DGKB: variants seen among roughly 807,000 people sequenced by gnomAD.
The protein encoded by DGKB is diacylglycerol kinase beta.
In DGKB, 67 loss-of-function variants were observed where a neutral mutation model predicts 114.3. The ratio of observed to expected loss-of-function variants is 0.59; its 90% CI spans 0.48 to 0.72. The LOEUF (loss-of-function observed/expected upper bound fraction) is 0.72. Ranked by LOEUF, DGKB falls within the 30% of genes least tolerant of loss-of-function variation. DGKB has a pLI of 0.00. For synonymous variants in DGKB, 398 were observed against 323.1 expected, an observed-to-expected ratio of 1.23 and a Z score of -2.49; for missense variants, 907 against 975.2, an observed-to-expected ratio of 0.93 and a Z score of 0.93.
At chr7:14,692,172 T>A (rs1051282545) in intron 9 of DGKB, among the ~76,000 whole-genome samples, 2 of 151,698 alleles carry the variant, frequency 1.3e-5, no homozygotes, top group Admixed American at 1.3e-4. Flanking sequence ...TCAGCAGTAG[T>A]TTCCAAAAAA....
chr7:14,358,193 A>C (rs1814965665), intron 21 of DGKB, among the ~76,000 whole-genome samples: 1 of 152,020 alleles, frequency 6.6e-6, no homozygotes, highest in Non-Finnish European at 1.5e-5. Flanking sequence ...ATGTTTTCCA[A>C]CTTGGTTTCA....
chr7:14,286,950 A>G (rs1800964980), intron 23 of DGKB, among the ~76,000 whole-genome samples: 1 of 152,156 alleles, frequency 6.6e-6, no homozygotes, highest in Non-Finnish European at 1.5e-5. Context: ...CCTATTGGTC[A>G]CATCTTCCTA....
intron 1 of DGKB, among the ~76,000 whole-genome samples, chr7:14,961,404 G>T (rs1245278668): frequency 6.6e-6 from 1 of 151,968 alleles, no homozygotes; most frequent in Non-Finnish European, 1.5e-5. Context: ...TTATTAAAGG[G>T]TTCTGTCTCA....
intron 23 of DGKB, among the ~76,000 whole-genome samples, chr7:14,256,944 T>C (rs528495015): frequency 1.3e-5 from 2 of 152,176 alleles, no homozygotes; most frequent in South Asian, 4.1e-4. Context: ...GGTGGGAGAA[T>C]TGCTGGAGCC....
intron 2 of DGKB, among the ~76,000 whole-genome samples, chr7:14,774,580 T>C (rs1837881844): frequency 6.6e-6 from 1 of 152,186 alleles, no homozygotes; most frequent in South Asian, 2.1e-4. Context: ...GCTTTGAAAA[T>C]GTTATTTAAA....
chr7:14,490,452 C>T (rs1054005828), intron 20 of DGKB, among the ~76,000 whole-genome samples: 1 of 152,042 alleles, frequency 6.6e-6, no homozygotes, highest in Non-Finnish European at 1.5e-5. Flanking sequence ...AGCCACGTGC[C>T]CAGCTAATAA....
intron 2 of DGKB, among the ~76,000 whole-genome samples, chr7:14,790,224 G>A (rs543384477): frequency 1.3e-5 from 2 of 152,112 alleles, no homozygotes; most frequent in Non-Finnish European, 2.9e-5. Context: ...TTCCAAGTAT[G>A]TTCTCCCACT....
At chr7:14,602,522 C>G (rs956150889) in intron 17 of DGKB, among the ~76,000 whole-genome samples, 1 of 152,114 alleles carries the variant, frequency 6.6e-6, no homozygotes, top group Non-Finnish European at 1.5e-5. Flanking sequence ...TCTACGCTTA[C>G]GAATGGGATT....
chr7:14,234,149 T>C (rs1792380785), intron 23 of DGKB, among the ~76,000 whole-genome samples: 1 of 152,024 alleles, frequency 6.6e-6, no homozygotes, highest in Non-Finnish European at 1.5e-5. Flanking sequence ...GTAAGGAACC[T>C]TGTGATGGAC....
At chr7:14,867,600 C>A (rs1270353354) in intron 1 of DGKB, among the ~76,000 whole-genome samples, 1 of 152,046 alleles carries the variant, frequency 6.6e-6, no homozygotes, top group East Asian at 1.9e-4. Flanking sequence ...TTGCTGCATA[C>A]TGTTTGTGAA....
chr7:14,551,671 T>C (rs1229840911), intron 20 of DGKB, among the ~76,000 whole-genome samples: 1 of 152,136 alleles, frequency 6.6e-6, no homozygotes, highest in Non-Finnish European at 1.5e-5. Flanking sequence ...ATGGATATAA[T>C]ACAAGAGCTT....
At chr7:14,590,170 AAAAAC>A (rs1445137909) in intron 17 of DGKB, among the ~76,000 whole-genome samples, 6 of 151,988 alleles carry the variant, frequency 3.9e-5, no homozygotes, top group African/African-American at 1.4e-4. Context: ...TAATAAAAAA[AAAAAC>A]ATTAAAGAGA....
At chr7:14,513,919 A>C (rs1421414158) in intron 20 of DGKB, among the ~76,000 whole-genome samples, 1 of 151,992 alleles carries the variant, frequency 6.6e-6, no homozygotes, top group African/African-American at 2.4e-5. Context: ...TTTATACCAA[A>C]ATTTGCTGGT....
intron 2 of DGKB, among the ~76,000 whole-genome samples, chr7:14,806,802 A>T (rs558523260): frequency 6.6e-6 from 1 of 151,826 alleles, no homozygotes; most frequent in African/African-American, 2.4e-5. Context: ...TTCTCAGATC[A>T]TTTTGCTCCA....
chr7:14,203,977 C>G (rs1262384180), intron 23 of DGKB, among the ~76,000 whole-genome samples: 1 of 151,892 alleles, frequency 6.6e-6, no homozygotes, highest in Non-Finnish European at 1.5e-5. Context: ...TTCTCTCCTC[C>G]CCCAGCGAAT....
At chr7:14,673,886 C>G (rs1331911585) in intron 12 of DGKB, among the ~76,000 whole-genome samples, 2 of 152,104 alleles carry the variant, frequency 1.3e-5, no homozygotes, top group South Asian at 2.1e-4. Context: ...AAAAAATATA[C>G]ATTTCAATAA....
intron 23 of DGKB, among the ~76,000 whole-genome samples, chr7:14,269,954 G>T (rs763548188): frequency 3.4e-5 from 5 of 149,196 alleles, no homozygotes; most frequent in Non-Finnish European, 7.4e-5. Context: ...TTAATAAGTA[G>T]GTACCTTGGC....
chr7:14,493,955 CACACACAT>C (rs1436055362), intron 20 of DGKB, among the ~76,000 whole-genome samples: 7 of 151,368 alleles, frequency 4.6e-5, no homozygotes, highest in Admixed American at 1.3e-4. Flanking sequence ...CACACACACA[CACACACAT>C]CTATGTACAC....
intron 2 of DGKB, among the ~76,000 whole-genome samples, chr7:14,791,024 T>A (rs1350784952): frequency 6.6e-6 from 1 of 152,094 alleles, no homozygotes; most frequent in Admixed American, 6.6e-5. Flanking sequence ...AAGAACGGGG[T>A]CTCACTATGT....
Sources: allele counts gnomAD v4.1 joint callset (sites outside exome capture counted in the v4.1 genomes callset), GRCh38; gene constraint gnomAD v4.1.1; transcripts MANE v1.5; gene names NCBI Gene and HGNC (gene_info 2026-07-23, HGNC 2026-07-21).